LRRTM4: variants seen among roughly 807,000 people sequenced by gnomAD.
The protein encoded by LRRTM4 is leucine rich repeat transmembrane neuronal 4, also known as leucine-rich repeat transmembrane neuronal protein 4.
A neutral mutation model predicts 47.6 loss-of-function variants in LRRTM4; 25 were observed. The observed-to-expected ratio is 0.53, with a 90% CI of 0.38 to 0.73. The LOEUF is 0.73. LRRTM4 is among the 30% of genes least tolerant of loss of function. LRRTM4 has a pLI of 0.00. For synonymous variants in LRRTM4, 311 were observed against 269.5 expected, an observed-to-expected ratio of 1.15 and a Z score of -1.51; for missense variants, 638 against 713.4, an observed-to-expected ratio of 0.89 and a Z score of 1.20.
intron 3 of LRRTM4, among the ~76,000 whole-genome samples, chr2:76,785,629 A>G (rs1330299022): frequency 6.6e-6 from 1 of 152,120 alleles, no homozygotes; most frequent in Non-Finnish European, 1.5e-5. Context: ...AAAAGGCCAT[A>G]AGTAGGGTAA....
intron 3 of LRRTM4, among the ~76,000 whole-genome samples, chr2:77,066,140 C>A (rs915234195): frequency 6.6e-6 from 1 of 152,106 alleles, no homozygotes; most frequent in Non-Finnish European, 1.5e-5. Context: ...AGCAGAATAG[C>A]ATACTGGTGA....
At chr2:77,327,330 T>C (rs1341467981) in intron 3 of LRRTM4, among the ~76,000 whole-genome samples, 1 of 152,180 alleles carries the variant, frequency 6.6e-6, no homozygotes, top group Non-Finnish European at 1.5e-5. Flanking sequence ...TTATATATAA[T>C]TTTGAGATTC....
intron 3 of LRRTM4, among the ~76,000 whole-genome samples, chr2:77,419,507 A>G (rs962659778): frequency 6.6e-6 from 1 of 152,204 alleles, no homozygotes; most frequent in African/African-American, 2.4e-5. Flanking sequence ...TGTAAGTGCT[A>G]TGTAAATAGT....
intron 3 of LRRTM4, among the ~76,000 whole-genome samples, chr2:76,779,383 TG>T (rs1674219229): frequency 1.3e-5 from 2 of 151,064 alleles, no homozygotes; most frequent in African/African-American, 4.9e-5. Context: ...CCATTATTAA[TG>T]TATGGGAGTC....
chr2:76,751,494 T>C (rs2104052588), intron 3 of LRRTM4, among the ~76,000 whole-genome samples: 1 of 152,290 alleles, frequency 6.6e-6, no homozygotes, highest in South Asian at 2.1e-4. Flanking sequence ...AAATTGGACC[T>C]TAATTTCTGT....
intron 3 of LRRTM4, among the ~76,000 whole-genome samples, chr2:76,982,993 T>A (rs1437800461): frequency 6.6e-6 from 1 of 152,078 alleles, no homozygotes; most frequent in African/African-American, 2.4e-5. Context: ...GATAGTTATA[T>A]GATTAATTCA....
chr2:77,494,420 T>C (rs1245305020), intron 3 of LRRTM4, among the ~76,000 whole-genome samples: 2 of 152,016 alleles, frequency 1.3e-5, no homozygotes, highest in Non-Finnish European at 2.9e-5. Context: ...TAATGGGTAA[T>C]GAGTTGTGCT....
At chr2:76,942,289 C>G (rs1203871125) in intron 3 of LRRTM4, among the ~76,000 whole-genome samples, 1 of 152,068 alleles carries the variant, frequency 6.6e-6, no homozygotes, top group Non-Finnish European at 1.5e-5. Context: ...GTTTCTTTTG[C>G]TGTGCAGAAA....
intron 3 of LRRTM4, among the ~76,000 whole-genome samples, chr2:76,795,476 T>G (rs552496709): frequency 1.3e-5 from 2 of 152,276 alleles, no homozygotes; most frequent in Admixed American, 1.3e-4. Flanking sequence ...AGAATTTACA[T>G]TGTGTAGGTG....
chr2:77,282,055 C>T (rs1399776886), intron 3 of LRRTM4, among the ~76,000 whole-genome samples: 2 of 151,908 alleles, frequency 1.3e-5, no homozygotes. Context: ...AATACTGATT[C>T]TTCCAATCCA....
intron 3 of LRRTM4, among the ~76,000 whole-genome samples, chr2:76,851,180 T>G (rs1455249347): frequency 6.6e-6 from 1 of 152,082 alleles, no homozygotes; most frequent in African/African-American, 2.4e-5. Context: ...ATTTACAGAG[T>G]GGGAAGCACA....
At chr2:77,079,014 A>AT (rs1270528264) in intron 3 of LRRTM4, among the ~76,000 whole-genome samples, 1 of 152,168 alleles carries the variant, frequency 6.6e-6, no homozygotes, top group Non-Finnish European at 1.5e-5. Context: ...ATGCATTCAT[A>AT]TAAGGACTAA....
intron 3 of LRRTM4, among the ~76,000 whole-genome samples, chr2:77,190,787 T>C (rs2103878038): frequency 6.6e-6 from 1 of 152,222 alleles, no homozygotes; most frequent in East Asian, 1.9e-4. Flanking sequence ...AAACAGAATA[T>C]GTGGGCTCAC....
chr2:77,454,404 A>T (rs987995676), intron 3 of LRRTM4, among the ~76,000 whole-genome samples: 2 of 152,078 alleles, frequency 1.3e-5, no homozygotes, highest in African/African-American at 4.8e-5. Context: ...GTTGTTAGTG[A>T]CTTTTCTTTA....
At chr2:76,857,756 A>G (rs1394659400) in intron 3 of LRRTM4, among the ~76,000 whole-genome samples, 1 of 152,140 alleles carries the variant, frequency 6.6e-6, no homozygotes, top group African/African-American at 2.4e-5. Flanking sequence ...TTGCTTTTGT[A>G]AACACGTTTT....
chr2:77,101,108 G>A (rs72911827), intron 3 of LRRTM4, among the ~76,000 whole-genome samples: 4,528 of 151,866 alleles, frequency 0.03, 223 homozygotes, highest in African/African-American at 0.1. Flanking sequence ...GTGCTGGGAC[G>A]TAGTACTGAC....
At chr2:77,140,119 AG>A (rs1266081412) in intron 3 of LRRTM4, among the ~76,000 whole-genome samples, 1 of 152,100 alleles carries the variant, frequency 6.6e-6, no homozygotes, top group Non-Finnish European at 1.5e-5. Flanking sequence ...AATTGGAAAA[AG>A]CTACTTTAAA....
At chr2:77,160,957 T>C (rs1439718) in intron 3 of LRRTM4, among the ~76,000 whole-genome samples, 68,025 of 152,078 alleles carry the variant, frequency 0.45, 17,838 homozygotes, top group Admixed American at 0.57. Flanking sequence ...CCTAGTTCCA[T>C]GGCAGCCTAC....
At chr2:77,065,314 A>C (rs944397020) in intron 3 of LRRTM4, among the ~76,000 whole-genome samples, 4 of 152,182 alleles carry the variant, frequency 2.6e-5, no homozygotes, top group African/African-American at 9.7e-5. Flanking sequence ...CAGAAGTTAT[A>C]AAGATAAACA....
Sources: allele counts gnomAD v4.1 joint callset (sites outside exome capture counted in the v4.1 genomes callset), GRCh38; gene constraint gnomAD v4.1.1; transcripts MANE v1.5; gene names NCBI Gene and HGNC (gene_info 2026-07-23, HGNC 2026-07-21).